Variants in BRI3BP observed in about 807,000 individuals in gnomAD.
BRI3BP encodes BRI3-binding protein.
Under a neutral mutation model 15.8 loss-of-function variants are expected in BRI3BP, and 7 were observed. That is an observed-to-expected ratio of 0.44 (90% CI 0.25 to 0.83). The LOEUF (loss-of-function observed/expected upper bound fraction) is 0.83. Ranked by LOEUF, BRI3BP falls within the 40% of genes least tolerant of loss-of-function variation. BRI3BP has a pLI of 0.20. For missense variants in BRI3BP, 320 were observed against 339.3 expected (o/e 0.94, Z 0.45); for synonymous variants, 192 against 163.5 (o/e 1.17, Z -1.33).
intron 2 of BRI3BP, among the ~76,000 whole-genome samples, chr12:125,022,497 G>C (rs1955306831): frequency 9.1e-6 from 1 of 109,912 alleles, no homozygotes; most frequent in South Asian, 2.7e-4. Flanking sequence ...TTCAAGTGAT[G>C]TTATATGGAA....
the BRI3BP span, among the ~76,000 whole-genome samples, chr12:125,046,724 C>T: frequency 6.6e-6 from 1 of 152,268 alleles, no homozygotes; most frequent in Non-Finnish European, 1.5e-5. Flanking sequence ...CTCCATCAGT[C>T]GACTTTAGCA....
chr12:125,045,752 C>A, the BRI3BP span, among the ~76,000 whole-genome samples: 1 of 152,186 alleles, frequency 6.6e-6, no homozygotes, highest in South Asian at 2.1e-4. Flanking sequence ...TACATTAGGA[C>A]AATAAATTAT....
chr12:125,036,387 A>T, the BRI3BP span, among the ~76,000 whole-genome samples: 2 of 150,694 alleles, frequency 1.3e-5, no homozygotes, highest in Non-Finnish European at 3.0e-5. Flanking sequence ...TTATTTATTT[A>T]TTATTATTAT....
chr12:125,047,089 T>C, the BRI3BP span, among the ~76,000 whole-genome samples: 1 of 152,204 alleles, frequency 6.6e-6, no homozygotes, highest in Non-Finnish European at 1.5e-5. Context: ...ATTAAAAACA[T>C]TACTAAATGT....
chr12:125,008,633 A>G (rs916254550), intron 1 of BRI3BP, among the ~76,000 whole-genome samples: 6 of 152,080 alleles, frequency 3.9e-5, no homozygotes, highest in Admixed American at 1.3e-4. Flanking sequence ...TTTCTAATGC[A>G]GCGGTCCTCA....
At chr12:125,034,779 G>A (rs913102380), downstream of BRI3BP, among the ~76,000 whole-genome samples, 7 of 152,000 alleles carry the variant, frequency 4.6e-5, no homozygotes, top group South Asian at 4.2e-4. Flanking sequence ...TAGTAGAGAC[G>A]GGGTTTCACC....
rs184928393 is a variant in BRI3BP at position 125,013,196 on chromosome 12, T to C, written c.316+560T>C. 4.4e-4 allele frequency among the ~76,000 whole-genome samples: 67 copies of C among 152,280 alleles called. No homozygotes were observed. In the East Asian group the frequency reaches 8.7e-3, roughly 20 times the overall value. ...AGTGCCAATTTGTGTGCAAAACACA[T>C]GGACCAGAGGTATAGTGCTCTGGCT... On this transcript the variant is annotated intron_variant, in intron 2 of 2. Transcript: ENST00000341446.
the BRI3BP span, among the ~76,000 whole-genome samples, chr12:125,038,625 C>A: frequency 4.6e-5 from 7 of 151,412 alleles, no homozygotes; most frequent in Middle Eastern, 6.4e-3. Flanking sequence ...ATTATCCAGG[C>A]GTGGTGGTGC....
At position 125,030,185 on chromosome 12, in the gene BRI3BP, C is replaced by T. The variant is rs907849935; in HGVS notation, c.*4755C>T. 6.6e-6 allele frequency: 1 copy of T among 152,180 alleles called. No homozygotes were observed. Among genetic ancestry groups the T allele is most frequent in the African/African-American group, 2.4e-5 (1 of 41,448 alleles). 9.4% of individuals were successfully genotyped at this position (152,180 alleles called of 1,614,324 possible). On this transcript the variant is annotated 3_prime_UTR_variant, in exon 3 of 3. Coordinates refer to ENST00000341446, the MANE Select transcript of BRI3BP (RefSeq NM_080626.6). ...TGCCTTACAAGTTGACACCTGATAACTTCTCCCTGATGGGTTTCCGAACTG... is the reference window on the plus strand; with the variant it reads ...TGCCTTACAAGTTGACACCTGATAATTTCTCCCTGATGGGTTTCCGAACTG...
chr12:125,007,232 A>G (rs1955152527), intron 1 of BRI3BP, among the ~76,000 whole-genome samples: 1 of 151,940 alleles, frequency 6.6e-6, no homozygotes, highest in South Asian at 2.1e-4. Flanking sequence ...TGTATTGACA[A>G]ACATGTACAA....
the BRI3BP span, among the ~76,000 whole-genome samples, chr12:125,046,832 A>G: frequency 1.3e-5 from 2 of 152,216 alleles, no homozygotes; most frequent in Non-Finnish European, 2.9e-5. Flanking sequence ...TTATCTCTAA[A>G]AATGATTATT....
At chr12:125,035,618 C>G (rs2136005812), downstream of BRI3BP, among the ~76,000 whole-genome samples, 1 of 152,138 alleles carries the variant, frequency 6.6e-6, no homozygotes, top group East Asian at 1.9e-4. Flanking sequence ...GTCTTCAACT[C>G]CTGGACTCAA....
Position 124,998,835 on chromosome 12 carries a change from G to A in BRI3BP, c.213+4832G>A, listed in dbSNP as rs145229357. Among the ~76,000 whole-genome samples the A allele has an allele frequency of 1.4e-3, 210 of 152,210 alleles. 2 individuals are homozygous for A. Among genetic ancestry groups the A allele is most frequent in the African/African-American group, 4.9e-3 (202 of 41,534 alleles). ...CTCACATCTGTAATCCCACCACTTT[G>A]GGAGGCCTAGGTGGGAGGATTGCTT... is the stretch of plus-strand genomic sequence containing the variant. On this transcript the variant is annotated intron_variant, in intron 1 of 2. Transcript: ENST00000341446.
At chr12:125,042,899 T>C in the BRI3BP span, among the ~76,000 whole-genome samples, 2 of 152,122 alleles carry the variant, frequency 1.3e-5, no homozygotes, top group Non-Finnish European at 2.9e-5. Context: ...GCTCCTGCCT[T>C]GGTCTCCCAA....
At chr12:125,034,195 T>C (rs1048134164), downstream of BRI3BP, among the ~76,000 whole-genome samples, 4 of 151,352 alleles carry the variant, frequency 2.6e-5, no homozygotes, top group African/African-American at 7.3e-5. Context: ...TTCAGGCATG[T>C]GCCACCACAC....
rs1955394587 is a variant in BRI3BP at position 125,030,010 on chromosome 12, G to T, written c.*4580G>T. ...TGTGAGCAGCTTAGTCGCTCATCTG[G>T]CCCTGTGATTCAGGCTTATGGAGCG... On this transcript the variant is annotated 3_prime_UTR_variant, in exon 3 of 3. Coordinates refer to ENST00000341446, the MANE Select transcript of BRI3BP (RefSeq NM_080626.6). The T allele has an allele frequency of 6.6e-6, 1 of 152,228 alleles. No homozygotes were observed. Among genetic ancestry groups the T allele is most frequent in the South Asian group, 2.1e-4 (1 of 4,834 alleles). 9.4% of individuals were successfully genotyped at this position (152,228 alleles called of 1,614,324 possible). A position where few individuals can be genotyped will look rare whatever the true frequency, so the allele number is the denominator to read the frequency against.
intron 2 of BRI3BP, among the ~76,000 whole-genome samples, chr12:125,023,461 G>T (rs191824123): frequency 3.3e-4 from 51 of 152,308 alleles, no homozygotes; most frequent in African/African-American, 1.2e-3. Context: ...GTAGTTGTGT[G>T]CCCAGCCTGA....
chr12:125,001,172 A>G (rs1955088075), intron 1 of BRI3BP, among the ~76,000 whole-genome samples: 2 of 151,730 alleles, frequency 1.3e-5, no homozygotes, highest in Admixed American at 1.3e-4. Context: ...CTCCTGCCTC[A>G]GCCTCCCAAA....
chr12:124,997,214 C>CTTTTTTTTTTTTTTTTTTTTTGATTT (rs1229802280), intron 1 of BRI3BP, among the ~76,000 whole-genome samples: 1 of 51,550 alleles, frequency 1.9e-5, no homozygotes. Flanking sequence ...CTTTACTTCT[C>CTTTTTTTTTTTTTTTTTTTTTGATTT]TTTTTTTTTT....
Sources: allele counts gnomAD v4.1 joint callset (sites outside exome capture counted in the v4.1 genomes callset), GRCh38; gene constraint gnomAD v4.1.1; transcripts MANE v1.5; gene names NCBI Gene and HGNC (gene_info 2026-07-23, HGNC 2026-07-21).